Variants in NAALADL2 observed in about 807,000 individuals in gnomAD.
The protein encoded by NAALADL2 is N-acetylated alpha-linked acidic dipeptidase like 2, also known as inactive N-acetylated-alpha-linked acidic dipeptidase-like protein 2.
A neutral mutation model predicts 87.2 loss-of-function variants in NAALADL2; 76 were observed. The observed-to-expected ratio is 0.87, with a 90% CI of 0.72 to 1.05. The LOEUF (loss-of-function observed/expected upper bound fraction) is 1.05, where lower values mean the gene tolerates loss of function less well. Among genes scored for constraint, NAALADL2 ranks in the 50% least tolerant of loss-of-function variants. The pLI is 0.00. For missense variants in NAALADL2, 1,089 were observed against 945.8 expected, an observed-to-expected ratio of 1.15 and a Z score of -1.99; for synonymous variants, 354 against 331.0, an observed-to-expected ratio of 1.07 and a Z score of -0.75.
chr3:174,832,566 A>G (rs1170700454), intron 3 of NAALADL2, among the ~76,000 whole-genome samples: 1 of 152,004 alleles, frequency 6.6e-6, no homozygotes, highest in Non-Finnish European at 1.5e-5. Context: ...GGTTCACGCC[A>G]TTCTCCTGCC....
intron 9 of NAALADL2, among the ~76,000 whole-genome samples, chr3:175,557,376 C>A (rs1310384040): frequency 1.3e-5 from 2 of 152,170 alleles, no homozygotes; most frequent in African/African-American, 4.8e-5. Flanking sequence ...TTACCTCAAG[C>A]ATTTATCCTT....
intron 10 of NAALADL2, among the ~76,000 whole-genome samples, chr3:175,613,247 T>C (rs1352662507): frequency 6.6e-6 from 1 of 152,148 alleles, no homozygotes; most frequent in Non-Finnish European, 1.5e-5. Flanking sequence ...ACTAATTCCT[T>C]TACTAAACAG....
At chr3:175,252,192 T>G (rs1749177690) in intron 3 of NAALADL2, among the ~76,000 whole-genome samples, 2 of 152,196 alleles carry the variant, frequency 1.3e-5, no homozygotes, top group South Asian at 4.1e-4. Flanking sequence ...TTTCAACAAT[T>G]TGAAGGTCAC....
chr3:175,289,372 G>A (rs188285865), intron 4 of NAALADL2, among the ~76,000 whole-genome samples: 485 of 152,166 alleles, frequency 3.2e-3, no homozygotes, highest in African/African-American at 0.011. Context: ...AATAATAGAT[G>A]TCAATGGATA....
At chr3:175,672,365 T>A (rs926842796) in intron 11 of NAALADL2, among the ~76,000 whole-genome samples, 10 of 152,134 alleles carry the variant, frequency 6.6e-5, no homozygotes, top group Non-Finnish European at 1.5e-4. Context: ...ATCTTTCTAA[T>A]AAAGGGAAGT....
At chr3:174,490,226 T>TA (rs905316690) in intron 1 of NAALADL2, among the ~76,000 whole-genome samples, 26 of 152,112 alleles carry the variant, frequency 1.7e-4, no homozygotes, top group African/African-American at 6.0e-4. Context: ...TACTTGGCAA[T>TA]AAAAAATGAA....
intron 1 of NAALADL2, among the ~76,000 whole-genome samples, chr3:174,992,603 G>C (rs1746886647): frequency 6.6e-6 from 1 of 151,888 alleles, no homozygotes; most frequent in Non-Finnish European, 1.5e-5. Flanking sequence ...ATTTCTTTCA[G>C]ATTATTCCTT....
At chr3:175,434,972 G>A (rs570965784) in intron 5 of NAALADL2, among the ~76,000 whole-genome samples, 19 of 151,954 alleles carry the variant, frequency 1.3e-4, no homozygotes, top group African/African-American at 4.3e-4. Flanking sequence ...ATGCTTTAGG[G>A]GATAAAATAG....
chr3:175,203,245 G>A lies in NAALADL2; in HGVS notation c.546-30686G>A, dbSNP rs142835343. ...CCCTCACCCCACTCCTCTGGCCACC[G>A]TCCTGTTGGATCCCTGTGATTCCAG... On this transcript the variant is annotated intron_variant, in intron 2 of 13. Coordinates refer to ENST00000454872, the MANE Select transcript of NAALADL2 (RefSeq NM_207015.3). Among the ~76,000 whole-genome samples, 7 of 152,138 alleles carry A rather than the reference G, an allele frequency of 4.6e-5. No individual in the cohort carries two copies. The South Asian group carries it at 8.3e-4, about 18-fold the overall frequency.
chr3:174,536,243 T>C (rs2108453073), intron 1 of NAALADL2, among the ~76,000 whole-genome samples: 1 of 152,244 alleles, frequency 6.6e-6, no homozygotes, highest in Non-Finnish European at 1.5e-5. Flanking sequence ...GATACTTGAT[T>C]TAGAATGTTT....
At chr3:175,617,292 G>C (rs979013958) in intron 10 of NAALADL2, among the ~76,000 whole-genome samples, 1 of 152,178 alleles carries the variant, frequency 6.6e-6, no homozygotes, top group Non-Finnish European at 1.5e-5. Flanking sequence ...TGGGACTCCT[G>C]GATGGTAATG....
At chr3:174,947,729 G>GAC (rs745682640) in intron 1 of NAALADL2, among the ~76,000 whole-genome samples, 33 of 150,504 alleles carry the variant, frequency 2.2e-4, no homozygotes, top group East Asian at 1.6e-3. Flanking sequence ...TATATATACA[G>GAC]ACACACACAC....
At chr3:175,389,302 G>A (rs1169189912) in intron 5 of NAALADL2, among the ~76,000 whole-genome samples, 1 of 152,050 alleles carries the variant, frequency 6.6e-6, no homozygotes, top group African/African-American at 2.4e-5. Context: ...TCTAATTACT[G>A]GCAACGACGC....
At chr3:175,304,186 C>T (rs1325825658) in intron 4 of NAALADL2, among the ~76,000 whole-genome samples, 1 of 152,178 alleles carries the variant, frequency 6.6e-6, no homozygotes, top group Non-Finnish European at 1.5e-5. Flanking sequence ...AGAAATACCA[C>T]TCCATGCAAA....
chr3:174,490,228 A>C (rs1718098220), intron 1 of NAALADL2, among the ~76,000 whole-genome samples: 1 of 152,244 alleles, frequency 6.6e-6, no homozygotes, highest in African/African-American at 2.4e-5. Context: ...CTTGGCAATA[A>C]AAAATGAAGT....
At chr3:174,799,282 A>T (rs898845667) in intron 3 of NAALADL2, among the ~76,000 whole-genome samples, 2 of 152,082 alleles carry the variant, frequency 1.3e-5, no homozygotes, top group African/African-American at 2.4e-5. Flanking sequence ...AGAAGTGAAG[A>T]GTGGACATCT....
chr3:175,415,429 G>T (rs1362385213), intron 5 of NAALADL2, among the ~76,000 whole-genome samples: 1 of 152,060 alleles, frequency 6.6e-6, no homozygotes, highest in Non-Finnish European at 1.5e-5. Context: ...CAGGATGGGG[G>T]TAATCTTTTA....
At chr3:174,992,137 T>G (rs1268753884) in intron 1 of NAALADL2, among the ~76,000 whole-genome samples, 1 of 152,038 alleles carries the variant, frequency 6.6e-6, no homozygotes, top group East Asian at 1.9e-4. Context: ...TCTGAGATAT[T>G]GCAATGAATA....
chr3:175,436,517 T>C (rs1448669244), intron 5 of NAALADL2, among the ~76,000 whole-genome samples: 1 of 145,384 alleles, frequency 6.9e-6, no homozygotes, highest in Non-Finnish European at 1.5e-5. Flanking sequence ...CACCTGTTGT[T>C]TCCTGACTTT....
Sources: allele counts gnomAD v4.1 joint callset (sites outside exome capture counted in the v4.1 genomes callset), GRCh38; gene constraint gnomAD v4.1.1; transcripts MANE v1.5; gene names NCBI Gene and HGNC (gene_info 2026-07-23, HGNC 2026-07-21).